The following KIAA1217 variants were observed in gnomAD, a reference collection of about 807,000 sequenced individuals.
KIAA1217 encodes the protein sickle tail protein homolog.
Under a neutral mutation model 163.9 loss-of-function variants are expected in KIAA1217, and 88 were observed. The observed-to-expected ratio is 0.54, with a 90% CI of 0.45 to 0.64. The LOEUF (loss-of-function observed/expected upper bound fraction) is 0.64. Among genes scored for constraint, KIAA1217 ranks in the 30% least tolerant of loss-of-function variants. KIAA1217 has a pLI of 0.00. For missense variants in KIAA1217, 2,372 were observed against 2,475.0 expected, an observed-to-expected ratio of 0.96 and a Z score of 0.88; for synonymous variants, 903 against 923.1, an observed-to-expected ratio of 0.98 and a Z score of 0.39.
At chr10:23,780,717 G>A (rs1953416767) in intron 1 of KIAA1217, among the ~76,000 whole-genome samples, 1 of 152,142 alleles carries the variant, frequency 6.6e-6, no homozygotes, top group South Asian at 2.1e-4. Flanking sequence ...TTTCACTCTT[G>A]TTGCCCAGGC....
At chr10:24,481,670 G>A (rs1395643347) in intron 6 of KIAA1217, 1 of 152,172 alleles carries the variant, frequency 6.6e-6, no homozygotes, top group African/African-American at 2.4e-5. Context: ...AACAATGAAA[G>A]TACAAGTAAA....
chr10:24,210,111 C>A (rs1416413635), intron 1 of KIAA1217, among the ~76,000 whole-genome samples: 3 of 141,458 alleles, frequency 2.1e-5, no homozygotes, highest in African/African-American at 7.6e-5. Context: ...CATGCAGGGG[C>A]CAGTACACAA....
chr10:24,280,350 T>C (rs890253342), intron 2 of KIAA1217, among the ~76,000 whole-genome samples: 5 of 152,180 alleles, frequency 3.3e-5, no homozygotes, highest in Non-Finnish European at 7.3e-5. Context: ...TTCTAAGATT[T>C]CTGAAATAAT....
intron 1 of KIAA1217, among the ~76,000 whole-genome samples, chr10:23,773,571 G>A (rs955043605): frequency 3.3e-5 from 5 of 152,076 alleles, no homozygotes; most frequent in Admixed American, 6.6e-5. Flanking sequence ...CCATTTTCAC[G>A]ATATTGATTC....
chr10:23,986,614 G>T (rs1845983259), intron 1 of KIAA1217, among the ~76,000 whole-genome samples: 1 of 151,966 alleles, frequency 6.6e-6, no homozygotes, highest in African/African-American at 2.4e-5. Context: ...ATCCACAGTT[G>T]GTTGAGTCCA....
At chr10:24,205,290 C>T (rs2067483937), upstream of KIAA1217, among the ~76,000 whole-genome samples, 1 of 99,358 alleles carries the variant, frequency 1.0e-5, no homozygotes, top group African/African-American at 4.3e-5. Context: ...AACCCCGTCT[C>T]TACTAAAAAT....
intron 1 of KIAA1217, among the ~76,000 whole-genome samples, chr10:23,950,242 C>G (rs759058091): frequency 5.3e-5 from 8 of 152,128 alleles, no homozygotes; most frequent in Non-Finnish European, 2.9e-5. Flanking sequence ...AGATTACTAG[C>G]ATTTCTTTGG....
chr10:24,337,925 G>A (rs1363974397), intron 2 of KIAA1217, among the ~76,000 whole-genome samples: 9 of 152,254 alleles, frequency 5.9e-5, no homozygotes, highest in African/African-American at 1.7e-4. Context: ...TTCCAGGCAT[G>A]AGCCACCGCG....
chr10:23,847,517 G>A lies in KIAA1217; in HGVS notation c.-321+152283G>A, dbSNP rs181233910. On this transcript the variant is annotated intron_variant, in intron 1 of 18. Coordinates refer to the KIAA1217 transcript ENST00000376462. ...AGATTTTCTAGTTTATTTGCATAGA[G>A]GTGTTTATAGTATTCTCTGATGGTA... 4.8e-3 allele frequency among the ~76,000 whole-genome samples: 727 copies of A among 152,226 alleles called. 6 individuals are homozygous for A. Among genetic ancestry groups the A allele is most frequent in the African/African-American group, 0.017 (692 of 41,552 alleles).
rs544209960 is a variant in KIAA1217 at position 24,227,585 on chromosome 10, T to C, written c.354+7676T>C. ...TCTTGCTCTGTTGCCCAGGCTGGAG[T>C]GCAGTGGCGCAATCTTGGCTCACTG... On this transcript the variant is annotated intron_variant, in intron 2 of 20. Transcript: ENST00000376454. 1.8e-3 allele frequency among the ~76,000 whole-genome samples: 268 copies of C among 151,178 alleles called. 2 individuals carry two copies. The highest frequency in any genetic ancestry group is 6.4e-3 in the African/African-American group (264 of 41,094).
intron 1 of KIAA1217, among the ~76,000 whole-genome samples, chr10:23,860,837 T>C (rs998029011): frequency 5.9e-5 from 9 of 152,048 alleles, no homozygotes; most frequent in Admixed American, 6.6e-5. Flanking sequence ...GACTCTTTAT[T>C]TTTCTTTTTT....
chr10:24,118,060 G>A (rs1338655935), intron 2 of KIAA1217, among the ~76,000 whole-genome samples: 4 of 151,742 alleles, frequency 2.6e-5, no homozygotes, highest in Non-Finnish European at 5.9e-5. Flanking sequence ...CTTAGTACCC[G>A]GGGTGACCAA....
chr10:23,804,572 T>A (rs1358815630), intron 1 of KIAA1217, among the ~76,000 whole-genome samples: 2 of 152,226 alleles, frequency 1.3e-5, no homozygotes, highest in African/African-American at 2.4e-5. Context: ...AGTATGAACA[T>A]AGGTCTTGTC....
intron 2 of KIAA1217, among the ~76,000 whole-genome samples, chr10:24,074,879 T>C (rs976695620): frequency 6.6e-6 from 1 of 151,920 alleles, no homozygotes; most frequent in Non-Finnish European, 1.5e-5. Context: ...TTGTATTTCT[T>C]GTAAAGATGG....
At chr10:23,739,777 T>C (rs1839006125) in intron 1 of KIAA1217, among the ~76,000 whole-genome samples, 1 of 152,180 alleles carries the variant, frequency 6.6e-6, no homozygotes, top group Non-Finnish European at 1.5e-5. Context: ...AGAGATCCTG[T>C]GGATCTCACC....
intron 1 of KIAA1217, among the ~76,000 whole-genome samples, chr10:23,945,050 C>G (rs1225598236): frequency 1.5e-5 from 2 of 137,292 alleles, no homozygotes; most frequent in African/African-American, 5.9e-5. Flanking sequence ...CAGAACAAGA[C>G]TCTATCTCAA....
intron 1 of KIAA1217, among the ~76,000 whole-genome samples, chr10:23,874,334 T>C (rs1457968747): frequency 1.3e-5 from 2 of 152,036 alleles, no homozygotes; most frequent in Non-Finnish European, 2.9e-5. Context: ...ATTATTTTTC[T>C]CTCTTTCAGA....
chr10:24,522,008 A>G (rs887505352), intron 12 of KIAA1217, 79 bp downstream of exon 12: 2 of 1,497,320 alleles, frequency 1.3e-6, no homozygotes, highest in Non-Finnish European at 1.8e-6. Flanking sequence ...TTGGGACTTC[A>G]GCCTTCCACC....
intron 1 of KIAA1217, among the ~76,000 whole-genome samples, chr10:23,905,792 A>C (rs927645771): frequency 2.6e-5 from 4 of 152,134 alleles, no homozygotes; most frequent in African/African-American, 9.7e-5. Context: ...AATGTTAACC[A>C]TTCCCCCAAA....
Sources: allele counts gnomAD v4.1 joint callset (sites outside exome capture counted in the v4.1 genomes callset), GRCh38; gene constraint gnomAD v4.1.1; transcripts MANE v1.5; gene names NCBI Gene and HGNC (gene_info 2026-07-23, HGNC 2026-07-21).